The following BTAF1 variants were observed in gnomAD, a reference collection of about 807,000 sequenced individuals.
BTAF1 encodes the protein TATA-binding protein-associated factor 172.
In BTAF1, 38 loss-of-function variants were observed where a neutral mutation model predicts 227.1. The observed-to-expected ratio is 0.17, with a 90% CI of 0.13 to 0.22. BTAF1 has a LOEUF of 0.22. BTAF1 is among the 10% of genes least tolerant of loss of function. BTAF1 has a pLI of 1.00. For synonymous variants in BTAF1, 742 were observed against 751.9 expected, an observed-to-expected ratio of 0.99 and a Z score of 0.21; for missense variants, 1,598 against 2,204.0, an observed-to-expected ratio of 0.73 and a Z score of 5.51.
At position 92,008,693 on chromosome 10, in the gene BTAF1, T is replaced by C. The variant is rs1850108328; in HGVS notation, c.3814-136T>C. 3 of 766,954 alleles carry C rather than the reference T, an allele frequency of 3.9e-6. No homozygotes were observed. The South Asian group carries it at 8.6e-5, about 22-fold the overall frequency. 47.5% of individuals were successfully genotyped at this position (766,954 alleles called of 1,614,324 possible). The stretch of plus-strand genomic sequence containing the variant: ...CGATTTAGTAAAATCTTGTGTTTAG[T>C]GTCTTATACCCATTTATTTCTCTTT... On this transcript the variant is annotated intron_variant, in intron 26 of 37. Coordinates refer to ENST00000265990, the MANE Select transcript of BTAF1 (RefSeq NM_003972.3).
intron 14 of BTAF1, among the ~76,000 whole-genome samples, chr10:91,979,602 G>A (rs1476906561): frequency 6.6e-6 from 1 of 152,128 alleles, no homozygotes; most frequent in East Asian, 1.9e-4. Context: ...AAAAAGTCAT[G>A]TGGAGGGCAG....
intron 28 of BTAF1, among the ~76,000 whole-genome samples, chr10:92,009,598 G>A (rs1473879900): frequency 2.0e-5 from 3 of 152,188 alleles, no homozygotes; most frequent in South Asian, 4.1e-4. Flanking sequence ...CTGTTCAGGA[G>A]GCTGAGGCAG....
intron 8 of BTAF1, 119 bp downstream of exon 8, chr10:91,957,412 A>G (rs1269889378): frequency 1.5e-6 from 1 of 668,560 alleles, no homozygotes; most frequent in Non-Finnish European, 2.5e-6. Flanking sequence ...CTCAGGACTC[A>G]GGGCACGTCA....
At position 91,924,088 on chromosome 10, in the gene BTAF1, C is replaced by T. The variant is rs760721899; in HGVS notation, c.12C>T (p.Ser4=). 5.6e-6 allele frequency: 9 copies of T among 1,608,708 alleles called. No homozygotes were observed. Among genetic ancestry groups the T allele is most frequent in the Admixed American group, 3.4e-5 (2 of 59,480 alleles). Residue 4 remains serine (S), a splice_region_variant and synonymous_variant, in exon 1 of 38, where the codon TCC becomes TCT. Coordinates refer to ENST00000265990, the MANE Select transcript of BTAF1 (RefSeq NM_003972.3). ...GCCGGCGCCCGGCCATGGCGGTCTC[C>T]AGGTGGGTCTTGCTCCTGACGAGCA... is the stretch of plus-strand genomic sequence containing the variant. MAV[S]RLDRLFILLD... is the part of the protein sequence containing the mutation.
chr10:92,026,095 C>T (rs1448247632), intron 35 of BTAF1, among the ~76,000 whole-genome samples: 1 of 152,160 alleles, frequency 6.6e-6, no homozygotes, highest in Non-Finnish European at 1.5e-5. Context: ...GATAATAAAT[C>T]GTAGCTTGGT....
At chr10:91,950,576 G>C (rs1271590878) in intron 4 of BTAF1, among the ~76,000 whole-genome samples, 2 of 151,908 alleles carry the variant, frequency 1.3e-5, no homozygotes, top group African/African-American at 2.4e-5. Context: ...GTTCTGTTTT[G>C]TCTGTTTTGC....
At chr10:91,938,990 G>T (rs11186758) in intron 2 of BTAF1, among the ~76,000 whole-genome samples, 1 of 98,714 alleles carries the variant, frequency 1.0e-5, no homozygotes. Context: ...AAAAAAAAAA[G>T]GGGGGGGGGA....
intron 32 of BTAF1, among the ~76,000 whole-genome samples, chr10:92,015,996 CTTT>C (rs1299946581): frequency 2.7e-4 from 41 of 151,730 alleles, no homozygotes; most frequent in African/African-American, 9.9e-4. Context: ...TTCTTTTTTT[CTTT>C]TTTAAGACTC....
intron 1 of BTAF1, among the ~76,000 whole-genome samples, chr10:91,928,848 G>T (rs1347145164): frequency 2.0e-5 from 3 of 146,346 alleles, no homozygotes; most frequent in Non-Finnish European, 1.5e-5. Context: ...GTTTTTGGAG[G>T]CAGAGTCTCA....
In BTAF1 at chr10:91,980,673, G is replaced by A. The variant is rs1847997219; in HGVS notation, c.1755+115G>A. On this transcript the variant is annotated intron_variant, in intron 15 of 37. Coordinates refer to ENST00000265990, the MANE Select transcript of BTAF1 (RefSeq NM_003972.3). ...TATCTCATGGAGATTTGAAAAGTCT[G>A]GAGATCTGCATAATGAGACAGAGAA... is the stretch of plus-strand genomic sequence containing the variant. 4 of 753,110 alleles carry A rather than the reference G, an allele frequency of 5.3e-6. No individual in the cohort carries two copies. The Admixed American group carries it at 8.8e-5, about 17-fold the overall frequency. The allele number at this position is 753,110 out of a possible 1,614,324, so 46.7% of individuals were successfully genotyped here.
intron 14 of BTAF1, among the ~76,000 whole-genome samples, chr10:91,971,125 C>T (rs1028452823): frequency 7.2e-5 from 11 of 151,990 alleles, no homozygotes; most frequent in African/African-American, 2.7e-4. Flanking sequence ...ATTGTGTTTC[C>T]TGTATCCTTT....
intron 4 of BTAF1, among the ~76,000 whole-genome samples, chr10:91,947,517 A>G (rs1845453532): frequency 6.6e-6 from 1 of 152,170 alleles, no homozygotes; most frequent in African/African-American, 2.4e-5. Flanking sequence ...TCAATTGACC[A>G]TCAGACACAT....
At chr10:91,999,652 C>G (rs955776118) in intron 25 of BTAF1, among the ~76,000 whole-genome samples, 3 of 152,288 alleles carry the variant, frequency 2.0e-5, no homozygotes, top group South Asian at 4.1e-4. Context: ...CTTGGCCTCC[C>G]AAAGTGCTGG....
At chr10:92,026,289 G>GT (rs1851514284) in intron 35 of BTAF1, among the ~76,000 whole-genome samples, 1 of 152,060 alleles carries the variant, frequency 6.6e-6, no homozygotes, top group African/African-American at 2.4e-5. Context: ...TCATAGTTGG[G>GT]TTTATCTTAA....
chr10:91,942,323 TG>T, intron 3 of BTAF1, 98 bp from the exon 4 acceptor site: 3 of 820,386 alleles, frequency 3.7e-6, no homozygotes, highest in East Asian at 2.7e-5. Flanking sequence ...TGTGTGTGTG[TG>T]TGTGTGTAAC....
intron 1 of BTAF1, among the ~76,000 whole-genome samples, chr10:91,925,850 TC>T (rs1244865695): frequency 1.3e-5 from 2 of 152,228 alleles, no homozygotes; most frequent in African/African-American, 4.8e-5. Flanking sequence ...AGTTAATATT[TC>T]TCAATGACTG....
At chr10:91,948,237 CTA>C (rs1411357613) in intron 4 of BTAF1, among the ~76,000 whole-genome samples, 2 of 150,290 alleles carry the variant, frequency 1.3e-5, no homozygotes, top group East Asian at 1.9e-4. Context: ...CAGTTCCCAC[CTA>C]TGAGTGAGAA....
At chr10:91,978,787 G>T (rs1170966594) in intron 14 of BTAF1, among the ~76,000 whole-genome samples, 1 of 142,976 alleles carries the variant, frequency 7.0e-6, no homozygotes, top group Non-Finnish European at 1.5e-5. Context: ...TAGTGAGAAT[G>T]CTCCTCCAAT....
chr10:91,953,797 A>C lies in BTAF1; in HGVS notation c.625A>C (p.Lys209Gln). ...EFRAGMSNRQ[K>Q]NKAKRMAKLF... ...TCGAGCAGGAATGAGCAATAGACAA[A>C]AGAACAAAGCTAAAAGAATGGCCAA... Residue 209 changes from lysine to glutamine, a missense_variant, in exon 6 of 38, where the codon AAG becomes CAG. Around this residue, in one of 10 missense-constraint regions of BTAF1, gnomAD observed 298 missense variants for 395.2 expected, o/e 0.75. Transcript: ENST00000265990. 1 of 1,614,092 alleles carries C rather than the reference A, an allele frequency of 6.2e-7. No homozygotes were observed. The highest frequency in any genetic ancestry group is 8.5e-7 in the Non-Finnish European group (1 of 1,179,974).
Sources: gnomAD v4.1 joint callset for allele counts (sites outside exome capture counted in the v4.1 genomes callset) on GRCh38, gnomAD v4.1.1 for gene constraint, gnomAD v4.1.1 regional missense constraint, MANE v1.5 for transcripts, NCBI Gene and HGNC (gene_info 2026-07-23, HGNC 2026-07-21) for gene names.